ERC2: variants seen among roughly 807,000 people sequenced by gnomAD.
ERC2 encodes ELKS/RAB6-interacting/CAST family member 2, also known as ERC protein 2.
Under a neutral mutation model 114.8 loss-of-function variants are expected in ERC2, and 42 were observed. The ratio of observed to expected loss-of-function variants is 0.37; its 90% CI spans 0.29 to 0.47. The LOEUF (loss-of-function observed/expected upper bound fraction) is 0.47. Among genes scored for constraint, ERC2 ranks in the 20% least tolerant of loss-of-function variants. The pLI is 0.99. For missense variants in ERC2, 939 were observed against 1,150.7 expected, an observed-to-expected ratio of 0.82 and a Z score of 2.66; for synonymous variants, 454 against 425.5, an observed-to-expected ratio of 1.07 and a Z score of -0.82.
intron 1 of ERC2, among the ~76,000 whole-genome samples, chr3:56,445,664 C>A (rs1043608313): frequency 6.6e-6 from 1 of 152,142 alleles, no homozygotes; most frequent in Admixed American, 6.5e-5. Flanking sequence ...CAGCCAACAG[C>A]CCCCGCCTCC....
chr3:56,457,825 C>T (rs1247848238), intron 1 of ERC2, among the ~76,000 whole-genome samples: 1 of 152,172 alleles, frequency 6.6e-6, no homozygotes. Context: ...CTGGCTAATT[C>T]CATTTACCCT....
chr3:55,827,199 GA>G (rs1295673913), intron 14 of ERC2, among the ~76,000 whole-genome samples: 1 of 150,698 alleles, frequency 6.6e-6, no homozygotes, highest in African/African-American at 2.4e-5. Context: ...TCATTGTAAG[GA>G]AAGAAAATAA....
At chr3:55,563,328 C>CTTTTT (rs57775830) in intron 17 of ERC2, among the ~76,000 whole-genome samples, 1 of 138,908 alleles carries the variant, frequency 7.2e-6, no homozygotes, top group Non-Finnish European at 1.6e-5. Flanking sequence ...AGTGTCTTTC[C>CTTTTT]TTTTTTTTTT....
chr3:56,274,032 C>T (rs1478591383), intron 3 of ERC2, among the ~76,000 whole-genome samples: 2 of 152,178 alleles, frequency 1.3e-5, no homozygotes, highest in Non-Finnish European at 2.9e-5. Flanking sequence ...GAATTGGTTA[C>T]AGCAGGGGTA....
At chr3:55,893,527 CT>C (rs1484712295) in intron 13 of ERC2, among the ~76,000 whole-genome samples, 1 of 152,146 alleles carries the variant, frequency 6.6e-6, no homozygotes, top group African/African-American at 2.4e-5. Flanking sequence ...CAAAAGCCAA[CT>C]CTTGACCCGT....
At chr3:55,575,581 G>A (rs988644211) in intron 17 of ERC2, among the ~76,000 whole-genome samples, 1 of 152,214 alleles carries the variant, frequency 6.6e-6, no homozygotes, top group Non-Finnish European at 1.5e-5. Flanking sequence ...TGAAAAGTAA[G>A]TAGGACACAG....
intron 13 of ERC2, among the ~76,000 whole-genome samples, chr3:55,943,113 G>A (rs996061232): frequency 2.6e-5 from 4 of 152,166 alleles, no homozygotes; most frequent in Non-Finnish European, 5.9e-5. Context: ...CCTGGCCAGG[G>A]AGAGCTGGTT....
chr3:55,897,956 C>T (rs1454052862), intron 13 of ERC2, among the ~76,000 whole-genome samples: 1 of 152,194 alleles, frequency 6.6e-6, no homozygotes, highest in African/African-American at 2.4e-5. Context: ...TGCCTCTGAT[C>T]CTTCTCCTGC....
intron 3 of ERC2, among the ~76,000 whole-genome samples, chr3:56,237,529 C>T (rs183163617): frequency 1.4e-3 from 206 of 152,224 alleles, no homozygotes; most frequent in African/African-American, 4.3e-3. Context: ...TTGGGAATGC[C>T]GTCCACATCT....
chr3:56,026,241 G>A (rs2074044868), intron 7 of ERC2, among the ~76,000 whole-genome samples: 2 of 151,598 alleles, frequency 1.3e-5, no homozygotes, highest in African/African-American at 2.4e-5. Flanking sequence ...GTAGAGATGG[G>A]GTTTCACCAT....
intron 13 of ERC2, among the ~76,000 whole-genome samples, chr3:55,933,138 G>A (rs1328387695): frequency 1.3e-5 from 2 of 151,944 alleles, no homozygotes; most frequent in African/African-American, 4.8e-5. Context: ...GAACCTGGGA[G>A]GTGGAGGCTG....
At chr3:56,226,064 T>C (rs928461811) in intron 3 of ERC2, among the ~76,000 whole-genome samples, 1 of 152,210 alleles carries the variant, frequency 6.6e-6, no homozygotes, top group African/African-American at 2.4e-5. Context: ...AGTGAAAATA[T>C]GTAATATTTC....
intron 14 of ERC2, among the ~76,000 whole-genome samples, chr3:55,833,680 G>A (rs2060726999): frequency 6.6e-6 from 1 of 152,098 alleles, no homozygotes; most frequent in Admixed American, 6.6e-5. Context: ...GACCATCGAG[G>A]CTAGGAAGAA....
At chr3:56,357,234 C>T (rs1324033887) in intron 2 of ERC2, among the ~76,000 whole-genome samples, 2 of 152,252 alleles carry the variant, frequency 1.3e-5, no homozygotes, top group African/African-American at 2.4e-5. Context: ...CAGCTCTGGA[C>T]TTACCCACAG....
intron 3 of ERC2, among the ~76,000 whole-genome samples, chr3:56,261,285 C>T (rs1335836965): frequency 6.6e-6 from 1 of 152,156 alleles, no homozygotes; most frequent in Non-Finnish European, 1.5e-5. Context: ...CACTCCAGAA[C>T]ATATTTAATA....
intron 3 of ERC2, among the ~76,000 whole-genome samples, chr3:56,249,569 G>C (rs2051983308): frequency 1.3e-5 from 2 of 151,926 alleles, no homozygotes; most frequent in African/African-American, 4.8e-5. Context: ...CTTGTGATCT[G>C]CCAGCCTCGG....
At chr3:55,837,307 A>G (rs2149205789) in intron 14 of ERC2, among the ~76,000 whole-genome samples, 1 of 152,338 alleles carries the variant, frequency 6.6e-6, no homozygotes, top group Non-Finnish European at 1.5e-5. Flanking sequence ...GTGCACATGT[A>G]TGTTTATTGC....
chr3:56,210,500 A>T (rs1240133297), intron 3 of ERC2, among the ~76,000 whole-genome samples: 1 of 152,226 alleles, frequency 6.6e-6, no homozygotes, highest in Admixed American at 6.5e-5. Context: ...ATGCATCCAC[A>T]CTGTAGGTGT....
In ERC2 at chr3:56,435,418, T is replaced by C. The variant is rs1245731784; in HGVS notation, c.-140-271A>G. On this transcript the variant is annotated intron_variant, in intron 1 of 17. Coordinates refer to ENST00000288221, the MANE Select transcript of ERC2 (RefSeq NM_015576.3). Reference sequence around the variant, plus strand: ...AAAGTGAAAAATAAGCTCTATTCTTTAAGAAAATGAAGCTCTCTATATTGG... The same window carrying C: ...AAAGTGAAAAATAAGCTCTATTCTTCAAGAAAATGAAGCTCTCTATATTGG... Among the ~76,000 whole-genome samples, 6 of 152,308 alleles carry C rather than the reference T, an allele frequency of 3.9e-5. No individual in the cohort carries two copies. In the East Asian group the frequency reaches 1.2e-3, roughly 29 times the overall value.
Sources: allele counts gnomAD v4.1 joint callset (sites outside exome capture counted in the v4.1 genomes callset), GRCh38; gene constraint gnomAD v4.1.1; transcripts MANE v1.5; gene names NCBI Gene and HGNC (gene_info 2026-07-23, HGNC 2026-07-21).